DIP2C: variants seen among roughly 807,000 people sequenced by gnomAD.
DIP2C encodes the protein DIP2 acetate--CoA ligase C (putative).
DIP2C carries 33 observed loss-of-function variants against 192.4 expected under a neutral mutation model. The observed-to-expected ratio is 0.17, with a 90% CI of 0.13 to 0.23. The LOEUF is 0.23. Among genes scored for constraint, DIP2C ranks in the 10% least tolerant of loss-of-function variants. DIP2C has a pLI of 1.00. For missense variants in DIP2C, 1,537 were observed against 2,110.1 expected (o/e 0.73, Z 5.32); for synonymous variants, 979 against 864.1 (o/e 1.13, Z -2.33).
intron 1 of DIP2C, among the ~76,000 whole-genome samples, chr10:543,130 C>T (rs539138876): frequency 2.3e-4 from 35 of 152,222 alleles, no homozygotes; most frequent in South Asian, 4.1e-4. Context: ...TACAACTGGA[C>T]AGCAGTGAGA....
At chr10:433,054 A>C (rs961425532) in intron 4 of DIP2C, among the ~76,000 whole-genome samples, 7 of 152,178 alleles carry the variant, frequency 4.6e-5, no homozygotes, top group Admixed American at 2.0e-4. Flanking sequence ...ATCATGGTGA[A>C]TGTTCAGCAT....
At chr10:308,095 A>G (rs996657733) in intron 32 of DIP2C, among the ~76,000 whole-genome samples, 60 of 151,926 alleles carry the variant, frequency 3.9e-4, no homozygotes, top group African/African-American at 1.4e-3. Context: ...GGCAGCAGGG[A>G]GGCTTTGGGG....
chr10:453,161 T>C (rs1019880019), intron 3 of DIP2C, among the ~76,000 whole-genome samples: 3 of 152,178 alleles, frequency 2.0e-5, no homozygotes, highest in South Asian at 2.1e-4. Flanking sequence ...AGCTGATAAA[T>C]GAAATCTAGC....
chr10:515,051 A>G (rs1846261800), intron 1 of DIP2C, among the ~76,000 whole-genome samples: 1 of 152,194 alleles, frequency 6.6e-6, no homozygotes, highest in Non-Finnish European at 1.5e-5. Context: ...AGAAAAACAA[A>G]TTGTTCCATA....
At chr10:397,792 A>T (rs1253423598) in intron 10 of DIP2C, among the ~76,000 whole-genome samples, 1 of 152,242 alleles carries the variant, frequency 6.6e-6, no homozygotes, top group Non-Finnish European at 1.5e-5. Flanking sequence ...TAAGCCAAAA[A>T]TAAAATTCTA....
chr10:378,614 CAT>C (rs1355934539), intron 17 of DIP2C, among the ~76,000 whole-genome samples: 10 of 150,912 alleles, frequency 6.6e-5, no homozygotes, highest in Admixed American at 2.0e-4. Context: ...AACAGACATG[CAT>C]AAAGACACAC....
intron 9 of DIP2C, 57 bp downstream of exon 9, chr10:408,869 A>G: frequency 6.4e-7 from 1 of 1,562,172 alleles, no homozygotes; most frequent in Non-Finnish European, 8.8e-7. Flanking sequence ...AACAGTGGGC[A>G]CCTTTTCCCA....
intron 1 of DIP2C, among the ~76,000 whole-genome samples, chr10:527,427 G>A (rs919536876): frequency 3.3e-5 from 5 of 152,132 alleles, no homozygotes; most frequent in African/African-American, 1.2e-4. Flanking sequence ...TTGTACTTAT[G>A]GTGTGATTTG....
chr10:669,132 G>A (rs1332483215), intron 1 of DIP2C: 1 of 152,152 alleles, frequency 6.6e-6, no homozygotes, highest in African/African-American at 2.4e-5. Flanking sequence ...GAAAAATGCT[G>A]AGCATTTTCC....
intron 1 of DIP2C, among the ~76,000 whole-genome samples, chr10:579,140 C>T (rs547655875): frequency 1.1e-4 from 17 of 151,796 alleles, no homozygotes; most frequent in East Asian, 5.9e-4. Flanking sequence ...TGTGTACATG[C>T]GTAGAGCATA....
chr10:593,436 A>G (rs1343498266), intron 1 of DIP2C, among the ~76,000 whole-genome samples: 1 of 151,166 alleles, frequency 6.6e-6, no homozygotes, highest in African/African-American at 2.4e-5. Context: ...GTCTCCCAGC[A>G]GACCCCACAC....
chr10:678,345 A>C (rs1440967984), intron 1 of DIP2C, among the ~76,000 whole-genome samples: 2 of 152,182 alleles, frequency 1.3e-5, no homozygotes, highest in Non-Finnish European at 2.9e-5. Flanking sequence ...CACCAGGAAG[A>C]GAGAAGTCCT....
chr10:562,724 C>T (rs1849285438), intron 1 of DIP2C, among the ~76,000 whole-genome samples: 2 of 152,136 alleles, frequency 1.3e-5, no homozygotes, highest in African/African-American at 4.8e-5. Context: ...TGTTCTGTTC[C>T]CTCAGAGAGC....
At chr10:611,818 A>T (rs982727844) in intron 1 of DIP2C, among the ~76,000 whole-genome samples, 4 of 152,198 alleles carry the variant, frequency 2.6e-5, no homozygotes, top group African/African-American at 9.7e-5. Flanking sequence ...CATGATATTC[A>T]GAGGCAGAAA....
At chr10:568,765 CAAAAAAAAAAA>C (rs1206501677) in intron 1 of DIP2C, among the ~76,000 whole-genome samples, 68 of 37,862 alleles carry the variant, frequency 1.8e-3, no homozygotes, top group African/African-American at 5.8e-3. Context: ...AACTCCGTCT[CAAAAAAAAAAA>C]AAAAAAAAAA....
At chr10:595,881 T>G (rs1851672418) in intron 1 of DIP2C, among the ~76,000 whole-genome samples, 1 of 152,246 alleles carries the variant, frequency 6.6e-6, no homozygotes, top group South Asian at 2.1e-4. Flanking sequence ...ACAGCCATCG[T>G]TCTTGATAAA....
chr10:440,744 T>C, intron 4 of DIP2C, 127 bp downstream of exon 4: 1 of 1,378,406 alleles, frequency 7.3e-7, no homozygotes, highest in East Asian at 2.4e-5. Context: ...GTTTTTGGAC[T>C]TCTGGTTCAC....
chr10:540,848 G>A (rs902671534), intron 1 of DIP2C, among the ~76,000 whole-genome samples: 7 of 152,210 alleles, frequency 4.6e-5, no homozygotes, highest in East Asian at 1.9e-4. Context: ...TGAAACACAG[G>A]TAAAGTCTTT....
chr10:618,440 G>A (rs1447009552), intron 1 of DIP2C, among the ~76,000 whole-genome samples: 4 of 152,208 alleles, frequency 2.6e-5, no homozygotes, highest in African/African-American at 4.8e-5. Flanking sequence ...AAGCTGACCT[G>A]CCCACATTTC....
Sources: allele counts gnomAD v4.1 joint callset (sites outside exome capture counted in the v4.1 genomes callset), GRCh38; gene constraint gnomAD v4.1.1; transcripts MANE v1.5; gene names NCBI Gene and HGNC (gene_info 2026-07-23, HGNC 2026-07-21).